Variants in NECAB3 observed in about 807,000 individuals in gnomAD.
The protein encoded by NECAB3 is N-terminal EF-hand calcium-binding protein 3.
Under a neutral mutation model 57.2 loss-of-function variants are expected in NECAB3, and 38 were observed. That is an observed-to-expected ratio of 0.66 (90% CI 0.51 to 0.87). The LOEUF is 0.87. Ranked by LOEUF, NECAB3 falls within the 40% of genes least tolerant of loss-of-function variation. The pLI is 0.00. For missense variants in NECAB3, 474 were observed against 527.5 expected (o/e 0.90, Z 0.99); for synonymous variants, 223 against 222.6 (o/e 1.00, Z -0.02).
chr20:33,658,353 G>A (rs1282169585), intron 10 of NECAB3, 124 bp downstream of exon 10: 20 of 989,812 alleles, frequency 2.0e-5, no homozygotes, highest in Middle Eastern at 2.1e-4. Context: ...TCGGGGGCTC[G>A]GGCAGGTGGG....
chr20:33,672,087 A>G (rs1057228229), intron 2 of NECAB3: 8 of 446,804 alleles, frequency 1.8e-5, no homozygotes, highest in East Asian at 4.2e-5. Flanking sequence ...GTGAATTCCA[A>G]TCTAGCTGGT....
At position 33,657,926 on chromosome 20, in the gene NECAB3, G is replaced by T; in HGVS notation, c.1162+16C>A. On this transcript the variant is annotated intron_variant, in intron 11 of 11. Transcript: ENST00000246190. ...TGCCCCTCCAGGGCCACAGTGAGTG[G>T]GGGTCCACCGCATACCTGGGAAGAA... is the stretch of plus-strand genomic sequence containing the variant. 6.4e-7 allele frequency: 1 copy of T among 1,552,964 alleles called. No individual in the cohort carries two copies. The highest frequency in any genetic ancestry group is 2.0e-5 in the Admixed American group (1 of 51,210).
chr20:33,666,701 G>A (rs1044394439), intron 5 of NECAB3: 2 of 152,398 alleles, frequency 1.3e-5, no homozygotes, highest in East Asian at 1.9e-4. Context: ...GAACAGCAAA[G>A]CAGAGGCGGG....
In NECAB3 at chr20:33,659,886, T is replaced by C; in HGVS notation, c.642A>G (p.Thr214=). 1 of 1,544,618 alleles carries C rather than the reference T, an allele frequency of 6.5e-7. No individual in the cohort carries two copies. Among genetic ancestry groups the C allele is most frequent in the Non-Finnish European group, 8.7e-7 (1 of 1,147,366 alleles). The change falls in exon 7 of 12, where the codon ACA becomes ACG. Residue 214 remains threonine (T), a splice_region_variant and synonymous_variant. Transcript: ENST00000246190. ...SSTWSPGSSD[T]GRSSEAEMQW... ...CCTCCCACCCCACCCCAGGCGCACCTGTGTCAGAAGAGCCGGGGGACCAGG... is the reference window on the plus strand; with the variant it reads ...CCTCCCACCCCACCCCAGGCGCACCCGTGTCAGAAGAGCCGGGGGACCAGG...
rs1350221266 is a variant in NECAB3, at chr20:33,674,375, C to T, written c.-23G>A. On this transcript the variant is annotated 5_prime_UTR_variant, in exon 1 of 12. Transcript: ENST00000246190. ...CATGGCGCCGCCACCCGCTCGGGCT[C>T]GGCTGCGGTTGCTGCCGACCCTGGA... 4 of 1,164,012 alleles carry T rather than the reference C, an allele frequency of 3.4e-6. No individual in the cohort carries two copies. The highest frequency in any genetic ancestry group is 8.0e-5 in the East Asian group (2 of 25,118). The allele number at this position is 1,164,012 out of a possible 1,614,324, so 72.1% of individuals were successfully genotyped here.
At chr20:33,667,774 G>A in intron 5 of NECAB3, 1 of 1,612,574 alleles carries the variant, frequency 6.2e-7, no homozygotes, top group Non-Finnish European at 8.5e-7. Flanking sequence ...GGACTTCGAG[G>A]GCGACCTCCG....
chr20:33,657,961 G>A lies in NECAB3; in HGVS notation c.1143C>T (p.Leu381=), dbSNP rs750311270. The change falls in exon 11 of 12, where the codon CTC becomes CTT. Residue 381 remains leucine, a synonymous_variant. Coordinates refer to ENST00000246190, the MANE Select transcript of NECAB3 (RefSeq NM_031232.4). ...GCATACCTGGGAAGAACACAGTGGT[G>A]AGGGTGTCCGGGGCCCGCAGGTGGT... The part of the protein sequence containing the change: ...LIDHLRAPDT[L]TTVFFPASWW... The A allele has an allele frequency of 1.3e-6, 2 of 1,557,632 alleles. No homozygotes were observed. Among genetic ancestry groups the A allele is most frequent in the South Asian group, 1.2e-5 (1 of 84,380 alleles).
At position 33,673,895 on chromosome 20, in the gene NECAB3, C is replaced by T. The variant is rs550760275; in HGVS notation, c.129+329G>A. Among the ~76,000 whole-genome samples, 3 of 152,238 alleles carry T rather than the reference C, an allele frequency of 2.0e-5. No individual in the cohort carries two copies. In the South Asian group the frequency reaches 6.2e-4, roughly 32 times the overall value. On this transcript the variant is annotated intron_variant, in intron 1 of 11. Coordinates refer to ENST00000246190, the MANE Select transcript of NECAB3 (RefSeq NM_031232.4). ...GAGGGGCCCTTGCGTTTCCAGGCTC[C>T]CCTTCCCCAGTCAGCCCAGCCTGGA...
rs1339617912 is a variant in NECAB3 at position 33,668,027 on chromosome 20, A to G, written c.387+1348T>C. 11 of 1,544,604 alleles carry G rather than the reference A, an allele frequency of 7.1e-6. No individual in the cohort carries two copies. The highest frequency in any genetic ancestry group is 9.6e-6 in the Non-Finnish European group (11 of 1,143,722). ...TCCACACTGTTTCCTGGCTTCGCCG[A>G]GCGCCTGGACAAGGAGCTGGAGGCG... On this transcript the variant is annotated intron_variant, in intron 5 of 11. Transcript: ENST00000246190.
At chr20:33,672,362 T>G (rs2017845130) in intron 2 of NECAB3, 36 bp downstream of exon 2, 1 of 1,613,826 alleles carries the variant, frequency 6.2e-7, no homozygotes, top group African/African-American at 1.3e-5. Context: ...CCTCCCACCC[T>G]GCCCCACTGT....
chr20:33,667,912 G>A, intron 5 of NECAB3: 1 of 1,572,406 alleles, frequency 6.4e-7, no homozygotes, highest in South Asian at 1.2e-5. Flanking sequence ...GGCTGAGCAG[G>A]GGCTGCCCGC....
intron 5 of NECAB3, chr20:33,668,341 G>A (rs989808818): frequency 1.4e-6 from 2 of 1,478,660 alleles, no homozygotes; most frequent in Non-Finnish European, 1.8e-6. Flanking sequence ...GGAGCTGACT[G>A]GATGGGTCAC....
chr20:33,668,681 TTGAC>T (rs1283271575), intron 5 of NECAB3, among the ~76,000 whole-genome samples: 1 of 152,252 alleles, frequency 6.6e-6, no homozygotes, highest in Non-Finnish European at 1.5e-5. Flanking sequence ...CAGGTCATTG[TTGAC>T]TATGAGTGCC....
At chr20:33,663,201 C>A (rs553711231) in intron 5 of NECAB3, among the ~76,000 whole-genome samples, 105 of 152,142 alleles carry the variant, frequency 6.9e-4, no homozygotes, top group African/African-American at 2.4e-3. Flanking sequence ...CTGGACCAGG[C>A]GGGGGTGGGA....
At chr20:33,663,724 C>T (rs1276756099) in intron 5 of NECAB3, 17 of 1,537,042 alleles carry the variant, frequency 1.1e-5, no homozygotes, top group Non-Finnish European at 1.4e-5. Context: ...GGCGCGGCGG[C>T]CGGAAGAGGG....
chr20:33,659,503 A>G lies in NECAB3; in HGVS notation c.873T>C (p.Pro291=). 2 of 1,481,344 alleles carry G rather than the reference A, an allele frequency of 1.4e-6. No homozygotes were observed. Among genetic ancestry groups the G allele is most frequent in the Non-Finnish European group, 1.8e-6 (2 of 1,110,472 alleles). The allele number at this position is 1,481,344 out of a possible 1,614,324, so 91.8% of individuals were successfully genotyped here. The change falls in exon 8 of 12, where the codon CCT becomes CCC. Residue 291 remains proline, a synonymous_variant. Transcript: ENST00000246190. ...GCCCCTCTCCTGGGCTCACCAAGTC[A>G]GGCCCCTTGGCCAGGTCCTCTTCAC... ...PLREEDLAKG[P]DLHILMAQRQ...
chr20:33,662,246 A>AATT, intron 5 of NECAB3: 3 of 1,463,026 alleles, frequency 2.1e-6, no homozygotes, highest in Non-Finnish European at 2.7e-6. Context: ...CAGAGCCTGC[A>AATT]ATTGGTGAGG....
At position 33,668,028 on chromosome 20, in the gene NECAB3, G is replaced by C. The variant is rs1199548854; in HGVS notation, c.387+1347C>G. On this transcript the variant is annotated intron_variant, in intron 5 of 11. Coordinates refer to ENST00000246190, the MANE Select transcript of NECAB3 (RefSeq NM_031232.4). Reference sequence around the variant, plus strand: ...CCACACTGTTTCCTGGCTTCGCCGAGCGCCTGGACAAGGAGCTGGAGGCGC... The same window carrying C: ...CCACACTGTTTCCTGGCTTCGCCGACCGCCTGGACAAGGAGCTGGAGGCGC... 3 of 1,544,976 alleles carry C rather than the reference G, an allele frequency of 1.9e-6. No homozygotes were observed. In the Admixed American group the frequency reaches 6.0e-5, roughly 31 times the overall value.
intron 5 of NECAB3, chr20:33,663,458 A>G (rs905176869): frequency 6.7e-5 from 100 of 1,487,056 alleles, no homozygotes; most frequent in Non-Finnish European, 8.9e-5. Flanking sequence ...TCCCAGGAGA[A>G]GCGCGGAGCG....
Sources: allele counts gnomAD v4.1 joint callset (sites outside exome capture counted in the v4.1 genomes callset), GRCh38; gene constraint gnomAD v4.1.1; transcripts MANE v1.5; gene names NCBI Gene and HGNC (gene_info 2026-07-23, HGNC 2026-07-21).